LRFN5: variants seen among roughly 807,000 people sequenced by gnomAD.
LRFN5 encodes leucine-rich repeat and fibronectin type-III domain-containing protein 5.
Under a neutral mutation model 45.6 loss-of-function variants are expected in LRFN5, and 24 were observed. That is an observed-to-expected ratio of 0.53 (90% CI 0.38 to 0.74). The LOEUF (loss-of-function observed/expected upper bound fraction) is 0.74, where lower values mean the gene tolerates loss of function less well. LRFN5 is among the 30% of genes least tolerant of loss of function. The pLI, the probability that LRFN5 is intolerant of heterozygous loss-of-function variation, is 0.00. For missense variants in LRFN5, 776 were observed against 861.5 expected (o/e 0.90, Z 1.24); for synonymous variants, 340 against 313.8 (o/e 1.08, Z -0.88).
intron 2 of LRFN5, among the ~76,000 whole-genome samples, chr14:41,773,978 G>C (rs1487769010): frequency 6.6e-6 from 1 of 152,184 alleles, no homozygotes; most frequent in Non-Finnish European, 1.5e-5. Context: ...AGTCTCTGCT[G>C]TCTCTGCCTG....
At chr14:41,710,599 A>C (rs1297955038) in intron 1 of LRFN5, among the ~76,000 whole-genome samples, 1 of 53,580 alleles carries the variant, frequency 1.9e-5, no homozygotes, top group African/African-American at 1.7e-4. Flanking sequence ...AAACAAATTA[A>C]AACATATATA....
intron 2 of LRFN5, among the ~76,000 whole-genome samples, chr14:41,780,944 C>T (rs1886459591): frequency 6.6e-6 from 1 of 152,124 alleles, no homozygotes; most frequent in Non-Finnish European, 1.5e-5. Context: ...TAGTTAGCAA[C>T]AGAATGTTGC....
chr14:41,689,513 C>T (rs1237347520), intron 1 of LRFN5, among the ~76,000 whole-genome samples: 1 of 151,902 alleles, frequency 6.6e-6, no homozygotes, highest in Non-Finnish European at 1.5e-5. Flanking sequence ...TAAATAAATT[C>T]CTAGAAAGAC....
chr14:41,722,331 C>A (rs910535634), intron 1 of LRFN5, among the ~76,000 whole-genome samples: 7 of 152,000 alleles, frequency 4.6e-5, no homozygotes, highest in Non-Finnish European at 1.0e-4. Context: ...TCTTTGCAAT[C>A]CATGCTTTTG....
At chr14:41,672,115 CTGTT>C (rs1157633521) in intron 1 of LRFN5, among the ~76,000 whole-genome samples, 1 of 152,080 alleles carries the variant, frequency 6.6e-6, no homozygotes, top group East Asian at 1.9e-4. Context: ...CTTCCTCTTT[CTGTT>C]TATTTTTTAA....
rs908615638 is a variant in LRFN5, at chr14:41,816,274, G to T, written c.-21+49245G>T. ...TTTCACACACATATATATATGCATA[G>T]ATTATTGAACAGATTTTTGCTATTA... On this transcript the variant is annotated intron_variant, in intron 2 of 5. Coordinates refer to ENST00000298119, the MANE Select transcript of LRFN5 (RefSeq NM_152447.5). 1.4e-4 allele frequency among the ~76,000 whole-genome samples: 21 copies of T among 151,952 alleles called. 1 individual carries two copies. The Middle Eastern group carries it at 0.014, about 99-fold the overall frequency.
At chr14:41,672,152 C>T (rs551916184) in intron 1 of LRFN5, among the ~76,000 whole-genome samples, 1 of 152,292 alleles carries the variant, frequency 6.6e-6, no homozygotes, top group South Asian at 2.1e-4. Flanking sequence ...AGCATTCCTT[C>T]TTACCTCACT....
intron 1 of LRFN5, among the ~76,000 whole-genome samples, chr14:41,609,710 G>A (rs1956449): frequency 6.6e-6 from 1 of 152,118 alleles, no homozygotes; most frequent in Non-Finnish European, 1.5e-5. Context: ...TTTGTCTCCC[G>A]CCTTTGGGAG....
At chr14:41,661,128 T>C (rs1300142465) in intron 1 of LRFN5, among the ~76,000 whole-genome samples, 1 of 151,674 alleles carries the variant, frequency 6.6e-6, no homozygotes, top group Non-Finnish European at 1.5e-5. Flanking sequence ...ATAAATCCTT[T>C]AGAGATTAAA....
intron 2 of LRFN5, among the ~76,000 whole-genome samples, chr14:41,770,424 C>T (rs1440124465): frequency 6.6e-6 from 1 of 152,196 alleles, no homozygotes; most frequent in Admixed American, 6.5e-5. Context: ...TCTCCTTCCA[C>T]CTATGAGCCT....
At chr14:41,877,581 G>T (rs1269697359) in intron 2 of LRFN5, among the ~76,000 whole-genome samples, 1 of 151,882 alleles carries the variant, frequency 6.6e-6, no homozygotes, top group Non-Finnish European at 1.5e-5. Flanking sequence ...GCTAATTTAT[G>T]TAAATAATGT....
intron 2 of LRFN5, among the ~76,000 whole-genome samples, chr14:41,874,100 A>G (rs976462501): frequency 2.6e-5 from 4 of 152,188 alleles, no homozygotes; most frequent in South Asian, 2.1e-4. Flanking sequence ...AGAGGCTGCT[A>G]TATTGGAAGA....
chr14:41,776,255 C>T lies in LRFN5; in HGVS notation c.-21+9226C>T, dbSNP rs548215935. Among the ~76,000 whole-genome samples, 4 of 152,190 alleles carry T rather than the reference C, an allele frequency of 2.6e-5. 1 individual carries two copies. The highest frequency in any genetic ancestry group is 9.6e-5 in the African/African-American group (4 of 41,532). On this transcript the variant is annotated intron_variant, in intron 2 of 5. Transcript: ENST00000298119. ...AAATGACTTCCTGTTTAGTTAGTTC[C>T]ATAAGTGTATTCATGTCAAGGGATC...
At chr14:41,898,861 A>T in intron 4 of LRFN5, 56 bp from the exon 5 acceptor site, 1 of 1,477,760 alleles carries the variant, frequency 6.8e-7, no homozygotes, top group Non-Finnish European at 9.3e-7. Flanking sequence ...AGGTTTTTTG[A>T]ATCTATTTCT....
chr14:41,844,420 G>A (rs1182285252), intron 2 of LRFN5, among the ~76,000 whole-genome samples: 1 of 142,138 alleles, frequency 7.0e-6, no homozygotes, highest in Non-Finnish European at 1.5e-5. Context: ...CTGGGTGACA[G>A]AGCAAGACTC....
intron 2 of LRFN5, among the ~76,000 whole-genome samples, chr14:41,873,585 T>G (rs1890095245): frequency 6.6e-6 from 1 of 152,124 alleles, no homozygotes; most frequent in African/African-American, 2.4e-5. Flanking sequence ...AATTCATTTT[T>G]TGTCCTTCTG....
At chr14:41,663,903 G>C (rs562244338) in intron 1 of LRFN5, among the ~76,000 whole-genome samples, 73 of 152,120 alleles carry the variant, frequency 4.8e-4, no homozygotes, top group African/African-American at 1.7e-3. Context: ...TCATATAGGA[G>C]AGAGATAACT....
intron 2 of LRFN5, among the ~76,000 whole-genome samples, chr14:41,879,075 G>A (rs1890284268): frequency 6.6e-6 from 1 of 151,856 alleles, no homozygotes; most frequent in South Asian, 2.1e-4. Context: ...AGACTTTAGG[G>A]AGTAGTCCAG....
intron 1 of LRFN5, among the ~76,000 whole-genome samples, chr14:41,628,522 T>G (rs936678837): frequency 1.3e-5 from 2 of 152,048 alleles, no homozygotes; most frequent in Admixed American, 6.6e-5. Flanking sequence ...GAGGATCACT[T>G]GAGGCCAGGA....
Sources: gnomAD v4.1 joint callset for allele counts (sites outside exome capture counted in the v4.1 genomes callset) on GRCh38, gnomAD v4.1.1 for gene constraint, MANE v1.5 for transcripts, NCBI Gene and HGNC (gene_info 2026-07-23, HGNC 2026-07-21) for gene names.